FKBP4: variants seen among roughly 807,000 people sequenced by gnomAD.
The protein encoded by FKBP4 is peptidyl-prolyl cis-trans isomerase FKBP4.
In FKBP4, 28 loss-of-function variants were observed where a neutral mutation model predicts 54.1. The observed-to-expected ratio is 0.52, with a 90% CI of 0.38 to 0.71. The LOEUF is 0.71. FKBP4 is among the 30% of genes least tolerant of loss of function. FKBP4 has a pLI of 0.00. For synonymous variants in FKBP4, 223 were observed against 216.1 expected (o/e 1.03, Z -0.28); for missense variants, 493 against 574.4 (o/e 0.86, Z 1.45).
Position 2,795,201 on chromosome 12 carries a change from AG to A in FKBP4, c.65del (p.Gly22GlufsTer13). On this transcript the variant is annotated frameshift_variant, in exon 1 of 10. Coordinates refer to ENST00000001008, the MANE Select transcript of FKBP4 (RefSeq NM_002014.4). LOFTEE classifies it high-confidence loss of function. This position sits in a 1 kb window ranked among gnomAD's most constrained non-coding sequence, Gnocchi z 4.3. Reference sequence around the variant, plus strand: ...GCGCAGTCGGCGCCGCTGCCCATGGAGGGAGTGGACATCAGCCCCAAACAGG... The same window carrying A: ...GCGCAGTCGGCGCCGCTGCCCATGGAGGAGTGGACATCAGCCCCAAACAGG... Reference protein sequence around the residue: ...SGAQSAPLPMEGVDISPKQDE... With the variant: ...SGAQSAPLPMXGVDISPKQDE... 3 of 1,332,962 alleles carry A rather than the reference AG, an allele frequency of 2.3e-6. No individual in the cohort carries two copies. Among genetic ancestry groups the A allele is most frequent in the Non-Finnish European group, 2.9e-6 (3 of 1,033,810 alleles). 82.6% of individuals were successfully genotyped at this position (1,332,962 alleles called of 1,614,324 possible).
chr12:2,800,318 C>CT, intron 7 of FKBP4, 74 bp from the exon 8 acceptor site: 1 of 1,498,200 alleles, frequency 6.7e-7, no homozygotes, highest in Non-Finnish European at 9.1e-7. Flanking sequence ...CCATGTGTCA[C>CT]TGATGTCTGC....
In FKBP4 at chr12:2,799,160, A is replaced by G. The variant is rs747525966; in HGVS notation, c.587A>G (p.Glu196Gly). The G allele has an allele frequency of 9.4e-6, 15 of 1,594,272 alleles. No homozygotes were observed. The highest frequency in any genetic ancestry group is 1.2e-5 in the Non-Finnish European group (14 of 1,172,208). The change falls in exon 5 of 10, where the codon GAG becomes GGG. Residue 196 changes from glutamate (E) to glycine (G), a missense_variant. Coordinates refer to ENST00000001008, the MANE Select transcript of FKBP4 (RefSeq NM_002014.4). ...CTCCGCTTTGAGATTGGCGAGGGGG[A>G]GAACCTGGATCTGCCTTATGGTCTG... Reference protein sequence around the residue: ...RELRFEIGEGENLDLPYGLER... With the variant: ...RELRFEIGEGGNLDLPYGLER...
rs1027502302 is a variant in FKBP4, at chr12:2,795,919, G to A, written c.105+675G>A. On this transcript the variant is annotated intron_variant, in intron 1 of 9. Transcript: ENST00000001008. This position sits in a 1 kb window ranked among gnomAD's most constrained non-coding sequence, Gnocchi z 4.3. ...AGGCCGGGCGCGGGGCATGCCGGGA[G>A]CTGTAGTCCCCTCCCCCCTCCGCCG... The A allele has an allele frequency of 3.0e-6, 3 of 996,848 alleles. No homozygotes were observed. Among genetic ancestry groups the A allele is most frequent in the African/African-American group, 3.5e-5 (2 of 57,282 alleles). 61.8% of individuals were successfully genotyped at this position (996,848 alleles called of 1,614,324 possible).
At chr12:2,796,140 C>A in intron 1 of FKBP4, 26 of 1,249,074 alleles carry the variant, frequency 2.1e-5, no homozygotes, top group Non-Finnish European at 2.7e-5. Context: ...CAGCCTGCGT[C>A]TTATGCCTTC....
Position 2,804,125 on chromosome 12 carries a change from C to G in FKBP4, c.*867C>G, listed in dbSNP as rs1434177342. On this transcript the variant is annotated 3_prime_UTR_variant, in exon 10 of 10. Transcript: ENST00000001008. ...GCCCCACCATGCATGGCTTCCTGAG[C>G]ACTGCACAGGCTGCCGCTGGGATTT... 6.6e-6 allele frequency: 1 copy of G among 152,508 alleles called. No individual in the cohort carries two copies. The highest frequency in any genetic ancestry group is 2.4e-5 in the African/African-American group (1 of 41,452). The allele number at this position is 152,508 out of a possible 1,614,324, so 9.4% of individuals were successfully genotyped here.
At chr12:2,796,019 G>A (rs1303761697) in intron 1 of FKBP4, 1 of 1,154,146 alleles carries the variant, frequency 8.7e-7, no homozygotes, top group Non-Finnish European at 1.1e-6. Context: ...CCGAGTGACC[G>A]CTCGACTACA....
In FKBP4 at chr12:2,795,073, CCCGCCCGCGGCCCAGAGT is replaced by C; in HGVS notation, c.-66_-49del. ...TCCCGCACGCCCCGCAGGTAGCGCC[CCCGCCCGCGGCCCAGAGT>C]GCGCTCGCGCCGGCACCAGCTCCCG... On this transcript the variant is annotated 5_prime_UTR_variant, in exon 1 of 10. Coordinates refer to ENST00000001008, the MANE Select transcript of FKBP4 (RefSeq NM_002014.4). This position sits in a 1 kb window ranked among gnomAD's most constrained non-coding sequence, Gnocchi z 4.3. 9.6e-7 allele frequency: 1 copy of C among 1,047,074 alleles called. No individual in the cohort carries two copies. The highest frequency in any genetic ancestry group is 1.2e-6 in the Non-Finnish European group (1 of 813,578). 64.9% of individuals were successfully genotyped at this position (1,047,074 alleles called of 1,614,324 possible). A position where few individuals can be genotyped will look rare whatever the true frequency, so the allele number is the denominator to read the frequency against.
At chr12:2,796,357 T>G in intron 1 of FKBP4, 1 of 1,289,246 alleles carries the variant, frequency 7.8e-7, no homozygotes, top group Non-Finnish European at 1.0e-6. Context: ...TTCTACGAGA[T>G]TGTTATTCCA....
chr12:2,801,457 C>T (rs2097904726), intron 9 of FKBP4, 101 bp downstream of exon 9: 3 of 1,533,640 alleles, frequency 2.0e-6, no homozygotes, highest in East Asian at 4.5e-5. Flanking sequence ...ATCCCGGAAA[C>T]CAGAAGTTGC....
At chr12:2,800,666 A>C in intron 8 of FKBP4, 89 bp downstream of exon 8, 1 of 1,343,992 alleles carries the variant, frequency 7.4e-7, no homozygotes, top group Admixed American at 2.4e-5. Flanking sequence ...CTTGGTGACT[A>C]GGGCAGGGAT....
intron 5 of FKBP4, among the ~76,000 whole-genome samples, chr12:2,799,647 C>T (rs1345634850): frequency 1.3e-5 from 2 of 152,208 alleles, no homozygotes; most frequent in Non-Finnish European, 2.9e-5. Context: ...CACACTGCTG[C>T]CTGGCTGTAA....
rs1230274660 is a variant in FKBP4, at chr12:2,803,487, A to G, written c.*229A>G. On this transcript the variant is annotated 3_prime_UTR_variant, in exon 10 of 10. Transcript: ENST00000001008. The stretch of plus-strand genomic sequence containing the variant: ...TTCCCTTCCTCCATTGCACATGAAC[A>G]TATGTCCATCCATATATATTCATCA... The G allele has an allele frequency of 1.3e-5, 7 of 534,988 alleles. No individual in the cohort carries two copies. The highest frequency in any genetic ancestry group is 2.4e-5 in the Non-Finnish European group (7 of 296,026). 33.1% of individuals were successfully genotyped at this position (534,988 alleles called of 1,614,324 possible).
Position 2,795,285 on chromosome 12 carries a change from G to A in FKBP4, c.105+41G>A, listed in dbSNP as rs1002630665. On this transcript the variant is annotated intron_variant, in intron 1 of 9. Coordinates refer to ENST00000001008, the MANE Select transcript of FKBP4 (RefSeq NM_002014.4). This position sits in a 1 kb window ranked among gnomAD's most constrained non-coding sequence, Gnocchi z 4.3. Reference sequence around the variant, plus strand: ...GCCTGCGGAGGCGTCGGAACCCGGGGCCCCGCGGGCCGCCCTTCCGCCGCG... The same window carrying A: ...GCCTGCGGAGGCGTCGGAACCCGGGACCCCGCGGGCCGCCCTTCCGCCGCG... 9.9e-6 allele frequency: 11 copies of A among 1,113,354 alleles called. No individual in the cohort carries two copies. The highest frequency in any genetic ancestry group is 1.1e-5 in the Non-Finnish European group (10 of 882,984). 69.0% of individuals were successfully genotyped at this position (1,113,354 alleles called of 1,614,324 possible).
chr12:2,799,740 A>C (rs2097903717), intron 5 of FKBP4, 110 bp from the exon 6 acceptor site: 7 of 903,736 alleles, frequency 7.7e-6, no homozygotes, highest in Middle Eastern at 3.3e-4. Flanking sequence ...CATTTGAACC[A>C]AGTCTCAAGG....
chr12:2,798,909 C>T lies in FKBP4; in HGVS notation c.514+83C>T, dbSNP rs1565396893. 3 of 1,499,102 alleles carry T rather than the reference C, an allele frequency of 2.0e-6. No individual in the cohort carries two copies. Among genetic ancestry groups the T allele is most frequent in the Admixed American group, 1.8e-5 (1 of 55,530 alleles). 92.9% of individuals were successfully genotyped at this position (1,499,102 alleles called of 1,614,324 possible). A position where few individuals can be genotyped will look rare whatever the true frequency, so the allele number is the denominator to read the frequency against. ...CTTTGGGCAAGACACTTCCGTTCTC[C>T]GAGCCTATCTTCTTGTCCATAAAAT... On this transcript the variant is annotated intron_variant, in intron 4 of 9. Transcript: ENST00000001008. The surrounding 1 kb of genome is among the most constrained non-coding windows in gnomAD (Gnocchi z 4.3).
rs370568362 is a variant in FKBP4, at chr12:2,795,178, G to A, written c.39G>A (p.Ala13=). 7.6e-7 allele frequency: 1 copy of A among 1,318,754 alleles called. No homozygotes were observed. Among genetic ancestry groups the A allele is most frequent in the Non-Finnish European group, 9.8e-7 (1 of 1,025,294 alleles). The allele number at this position is 1,318,754 out of a possible 1,614,324, so 81.7% of individuals were successfully genotyped here. A position where few individuals can be genotyped will look rare whatever the true frequency, so the allele number is the denominator to read the frequency against. ...AEEMKATESG[A]QSAPLPMEGV... ...AGATGAAGGCGACCGAGAGCGGGGC[G>A]CAGTCGGCGCCGCTGCCCATGGAGG... Residue 13 remains alanine (A), a synonymous_variant, in exon 1 of 10, where the codon GCG becomes GCA. Transcript: ENST00000001008. This position sits in a 1 kb window ranked among gnomAD's most constrained non-coding sequence, Gnocchi z 4.3.
rs2097902983 is a variant in FKBP4, at chr12:2,798,316, A to G, written c.394-390A>G. 6.6e-6 allele frequency among the ~76,000 whole-genome samples: 1 copy of G among 152,214 alleles called. No individual in the cohort carries two copies. Among genetic ancestry groups the G allele is most frequent in the Non-Finnish European group, 1.5e-5 (1 of 68,044 alleles). On this transcript the variant is annotated intron_variant, in intron 3 of 9. Transcript: ENST00000001008. The surrounding 1 kb of genome is among the most constrained non-coding windows in gnomAD (Gnocchi z 4.3). ...ACATTGTTCAATCTGAAAATGGTTG[A>G]GCCAATCCGTGGGCCCTTGAATACT...
In FKBP4 at chr12:2,799,145, A is replaced by C; in HGVS notation, c.572A>C (p.Glu191Ala). The part of the protein sequence containing the change: ...KLFDQRELRF[E>A]IGEGENLDLP... ...TTTGACCAGCGGGAGCTCCGCTTTG[A>C]GATTGGCGAGGGGGAGAACCTGGAT... Residue 191 changes from glutamate to alanine, a missense_variant, in exon 5 of 10, where the codon GAG (glutamate) becomes GCG (alanine). By Grantham distance (107) the Glu-to-Ala change is moderately radical. Transcript: ENST00000001008. The C allele has an allele frequency of 1.3e-6, 2 of 1,588,126 alleles. No homozygotes were observed. The highest frequency in any genetic ancestry group is 8.5e-7 in the Non-Finnish European group (1 of 1,169,974).
chr12:2,797,000 A>G lies in FKBP4; in HGVS notation c.106-138A>G, dbSNP rs535125313. 1.4e-3 allele frequency: 2,036 copies of G among 1,436,952 alleles called. 11 individuals carry two copies. The highest frequency in any genetic ancestry group is 9.1e-3 in the South Asian group (605 of 66,652). The allele number at this position is 1,436,952 out of a possible 1,614,324, so 89.0% of individuals were successfully genotyped here. On this transcript the variant is annotated intron_variant, in intron 1 of 9. Coordinates refer to ENST00000001008, the MANE Select transcript of FKBP4 (RefSeq NM_002014.4). ...TCATAAGCCAAGCTGCTAGTAACTG[A>G]ATCTGGAGGGACAAGTAGGCAGAGG...
Sources: gnomAD v4.1 joint callset for allele counts (sites outside exome capture counted in the v4.1 genomes callset) on GRCh38, gnomAD v4.1.1 for gene constraint, Gnocchi (gnomAD v3.1) non-coding constraint, MANE v1.5 for transcripts, NCBI Gene and HGNC (gene_info 2026-07-23, HGNC 2026-07-21) for gene names.